Variants in SLC22A5 observed in about 807,000 individuals in gnomAD.
SLC22A5 encodes solute carrier family 22 member 5, also known as organic cation/carnitine transporter 2.
SLC22A5 carries 44 observed loss-of-function variants against 56.7 expected under a neutral mutation model. The observed-to-expected ratio is 0.78, with a 90% CI of 0.61 to 1.00. SLC22A5 has a LOEUF of 1.00. SLC22A5 is among the 50% of genes least tolerant of loss of function. The probability of loss-of-function intolerance (pLI) is 0.00; values close to 1 mark genes in which losing one functional copy is unlikely to be tolerated. For synonymous variants in SLC22A5, 278 were observed against 292.1 expected (o/e 0.95, Z 0.49); for missense variants, 675 against 723.0 (o/e 0.93, Z 0.76).
intron 5 of SLC22A5, chr5:132,388,007 G>A (rs914664201): frequency 6.5e-6 from 1 of 153,084 alleles, no homozygotes; most frequent in African/African-American, 2.4e-5. Flanking sequence ...TTGGAAAAGA[G>A]GGAACAGTTA....
chr5:132,385,808 G>A (rs561410587), intron 4 of SLC22A5, among the ~76,000 whole-genome samples: 17 of 152,390 alleles, frequency 1.1e-4, no homozygotes, highest in African/African-American at 3.8e-4. Flanking sequence ...GGGCAGGACA[G>A]TGTAGGCCCT....
intron 6 of SLC22A5, 100 bp from the exon 7 acceptor site, chr5:132,390,590 A>G: frequency 2.3e-6 from 2 of 862,692 alleles, no homozygotes; most frequent in South Asian, 1.3e-5. Context: ...CTGCTTAAAG[A>G]TGGTTTGGAA....
intron 1 of SLC22A5, 83 bp downstream of exon 1, chr5:132,370,448 A>T (rs1751865274): frequency 4.9e-6 from 7 of 1,438,106 alleles, no homozygotes; most frequent in Non-Finnish European, 6.7e-6. Context: ...TCTCTCCCAG[A>T]TGCGCACTGG....
chr5:132,373,452 A>G (rs1752012226), intron 1 of SLC22A5, among the ~76,000 whole-genome samples: 1 of 152,218 alleles, frequency 6.6e-6, no homozygotes, highest in South Asian at 2.1e-4. Context: ...TCTGGCCAAC[A>G]TGGTGAAACT....
intron 7 of SLC22A5, among the ~76,000 whole-genome samples, chr5:132,391,644 G>T (rs1157611264): frequency 6.6e-6 from 1 of 152,142 alleles, no homozygotes; most frequent in Non-Finnish European, 1.5e-5. Flanking sequence ...CACTGAGAGG[G>T]CCTCACAGAG....
intron 3 of SLC22A5, 141 bp from the exon 4 acceptor site, chr5:132,385,187 C>T (rs545736655): frequency 2.4e-4 from 191 of 789,524 alleles, no homozygotes; most frequent in Non-Finnish European, 3.4e-4. Context: ...GGGTTCAGAA[C>T]GCCATCCGCT....
chr5:132,370,998 G>A (rs1187462181), intron 1 of SLC22A5, among the ~76,000 whole-genome samples: 2 of 140,462 alleles, frequency 1.4e-5, no homozygotes, highest in Non-Finnish European at 3.0e-5. Flanking sequence ...CCAGGCTGGA[G>A]CGCAGTCGTG....
At chr5:132,372,402 G>A (rs570858830) in intron 1 of SLC22A5, among the ~76,000 whole-genome samples, 1 of 152,252 alleles carries the variant, frequency 6.6e-6, no homozygotes, top group South Asian at 2.1e-4. Flanking sequence ...AGAAGCACAT[G>A]GCATCTCTTG....
intron 1 of SLC22A5, 103 bp downstream of exon 1, chr5:132,370,468 C>G: frequency 1.6e-6 from 2 of 1,284,402 alleles, no homozygotes; most frequent in Non-Finnish European, 2.2e-6. Context: ...GACGCTGTCA[C>G]TCCCCCTCCC....
At chr5:132,388,201 T>C (rs1554087865) in intron 5 of SLC22A5, among the ~76,000 whole-genome samples, 1 of 152,132 alleles carries the variant, frequency 6.6e-6, no homozygotes, top group Non-Finnish European at 1.5e-5. Context: ...TCAATCTGGG[T>C]GAATGCATAA....
chr5:132,382,372 ACC>A (rs1554087206), intron 2 of SLC22A5: 1 of 106,970 alleles, frequency 9.3e-6, no homozygotes, highest in Non-Finnish European at 2.0e-5. Context: ...AGCATTCCCC[ACC>A]CACCCCAACC....
intron 5 of SLC22A5, 60 bp from the exon 6 acceptor site, chr5:132,388,861 G>T (rs777734077): frequency 2.9e-6 from 3 of 1,044,282 alleles, no homozygotes; most frequent in Non-Finnish European, 4.5e-6. Context: ...GTATGTTATT[G>T]TGTGCTCTGA....
At chr5:132,378,621 T>C (rs1752234804) in intron 2 of SLC22A5, 140 bp downstream of exon 2, 29 of 733,690 alleles carry the variant, frequency 4.0e-5, no homozygotes, top group South Asian at 3.6e-4. Context: ...GTCTGTGATA[T>C]AGACTCCATG....
intron 4 of SLC22A5, among the ~76,000 whole-genome samples, chr5:132,386,217 TTTTTC>T (rs143811719): frequency 0.28 from 42,329 of 150,512 alleles, 6,525 homozygotes; most frequent in South Asian, 0.56. Flanking sequence ...TTTTCTTTTC[TTTTTC>T]TTTTCTTTTT....
chr5:132,387,312 C>T (rs909015135), intron 5 of SLC22A5, among the ~76,000 whole-genome samples, 161 bp downstream of exon 5: 7 of 147,590 alleles, frequency 4.7e-5, no homozygotes, highest in Admixed American at 1.4e-4. Context: ...CACCCCCACA[C>T]GGGCCCTGTT....
At chr5:132,373,426 G>A (rs547793975) in intron 1 of SLC22A5, among the ~76,000 whole-genome samples, 3 of 152,184 alleles carry the variant, frequency 2.0e-5, no homozygotes, top group Middle Eastern at 3.4e-3. Context: ...ACTTGAGGTC[G>A]GGAGTTCAAG....
chr5:132,372,468 C>T (rs921876211), intron 1 of SLC22A5, among the ~76,000 whole-genome samples: 4 of 152,216 alleles, frequency 2.6e-5, no homozygotes, highest in Non-Finnish European at 4.4e-5. Flanking sequence ...CTTGTTCCTG[C>T]TTTGCTGCCT....
At position 132,378,012 on chromosome 5, in the gene SLC22A5, G is replaced by A. The variant is rs940156958; in HGVS notation, c.394-366G>A. The A allele has an allele frequency of 5.6e-5, 72 of 1,281,004 alleles. No homozygotes were observed. In the African/African-American group the frequency reaches 9.8e-4, roughly 17 times the overall value. 79.4% of individuals were successfully genotyped at this position (1,281,004 alleles called of 1,614,324 possible). A position where few individuals can be genotyped will look rare whatever the true frequency, so the allele number is the denominator to read the frequency against. ...CCAGTGACGTTCATGCCAATGGCCT[G>A]AACCCCACTGAGCGAGGGTGCCCTG... is the stretch of plus-strand genomic sequence containing the variant. On this transcript the variant is annotated intron_variant, in intron 1 of 9. Coordinates refer to ENST00000245407, the MANE Select transcript of SLC22A5 (RefSeq NM_003060.4).
At chr5:132,384,711 G>A (rs1752463670) in intron 3 of SLC22A5, among the ~76,000 whole-genome samples, 1 of 152,234 alleles carries the variant, frequency 6.6e-6, no homozygotes, top group Non-Finnish European at 1.5e-5. Context: ...CTAAGGTAGA[G>A]AACCCCTTGT....
Sources: allele counts gnomAD v4.1 joint callset (sites outside exome capture counted in the v4.1 genomes callset), GRCh38; gene constraint gnomAD v4.1.1; transcripts MANE v1.5; gene names NCBI Gene and HGNC (gene_info 2026-07-23, HGNC 2026-07-21).